RBFOX1: variants seen among roughly 807,000 people sequenced by gnomAD.
RBFOX1 encodes the protein RNA binding protein fox-1 homolog 1.
In RBFOX1, 8 loss-of-function variants were observed where a neutral mutation model predicts 57.7. The ratio of observed to expected loss-of-function variants is 0.14; its 90% CI spans 0.08 to 0.25. RBFOX1 has a LOEUF of 0.25. Among genes scored for constraint, RBFOX1 ranks in the 10% least tolerant of loss-of-function variants. The pLI is 1.00. For missense variants in RBFOX1, 611 were observed against 548.5 expected, an observed-to-expected ratio of 1.11 and a Z score of -1.14; for synonymous variants, 326 against 222.4, an observed-to-expected ratio of 1.47 and a Z score of -4.15.
chr16:7,130,576 G>A (rs896640262), intron 4 of RBFOX1, among the ~76,000 whole-genome samples: 5 of 152,198 alleles, frequency 3.3e-5, no homozygotes, highest in African/African-American at 1.2e-4. Flanking sequence ...GTGAGTCAGT[G>A]TGCAAATAAT....
intron 3 of RBFOX1, among the ~76,000 whole-genome samples, chr16:6,681,122 G>C (rs1246747671): frequency 2.6e-5 from 4 of 152,058 alleles, no homozygotes; most frequent in Non-Finnish European, 5.9e-5. Context: ...ACCATCCTGG[G>C]AAACATGGTG....
rs538575658 is a variant in RBFOX1, at chr16:5,687,260, T to G, written c.318+88299T>G. On this transcript the variant is annotated intron_variant, in intron 3 of 19. Transcript: ENST00000641259. The stretch of plus-strand genomic sequence containing the variant: ...GAACAGTAGGAGGAAAACCCAAGAC[T>G]AGAAACTGTGGTGCCTTCATGATGT... Among the ~76,000 whole-genome samples, 449 of 152,242 alleles carry G rather than the reference T, an allele frequency of 2.9e-3. 2 individuals are homozygous for G. The highest frequency in any genetic ancestry group is 8.5e-3 in the South Asian group (41 of 4,816).
intron 3 of RBFOX1, among the ~76,000 whole-genome samples, chr16:5,847,963 T>A (rs142648853): frequency 6.6e-4 from 101 of 152,308 alleles, no homozygotes; most frequent in Admixed American, 5.4e-3. Context: ...GGAGCTCTAG[T>A]GCCATGGCTC....
intron 4 of RBFOX1, among the ~76,000 whole-genome samples, chr16:7,455,666 A>G (rs191786013): frequency 2.3e-3 from 343 of 151,604 alleles, no homozygotes; most frequent in Admixed American, 3.7e-3. Flanking sequence ...GCGTGGTTGT[A>G]GTCCCAGCTA....
intron 2 of RBFOX1, among the ~76,000 whole-genome samples, chr16:6,550,952 C>T (rs2096978801): frequency 6.6e-6 from 1 of 152,112 alleles, no homozygotes; most frequent in South Asian, 2.1e-4. Context: ...TGGCTGTGTT[C>T]ACTTATGGGA....
intron 4 of RBFOX1, among the ~76,000 whole-genome samples, chr16:7,434,725 C>G (rs527703587): frequency 7.4e-6 from 1 of 135,970 alleles, no homozygotes; most frequent in Non-Finnish European, 1.6e-5. Context: ...CTAGTTTGCC[C>G]TCTTGTTAAC....
intron 1 of RBFOX1, among the ~76,000 whole-genome samples, chr16:6,065,229 C>T (rs553312881): frequency 2.8e-5 from 4 of 141,696 alleles, no homozygotes; most frequent in Non-Finnish European, 6.0e-5. Flanking sequence ...GAGACAGGAT[C>T]TTGCTGTGTT....
At chr16:6,795,637 G>A (rs1018318399) in intron 3 of RBFOX1, among the ~76,000 whole-genome samples, 1 of 151,876 alleles carries the variant, frequency 6.6e-6, no homozygotes, top group Non-Finnish European at 1.5e-5. Context: ...ATGGTTGGGG[G>A]TGCCTGTAAT....
At chr16:6,910,467 C>T (rs918509558) in intron 3 of RBFOX1, among the ~76,000 whole-genome samples, 2 of 152,184 alleles carry the variant, frequency 1.3e-5, no homozygotes, top group African/African-American at 2.4e-5. Flanking sequence ...GGCTCTGTGC[C>T]TGAGTGGGTG....
intron 1 of RBFOX1, among the ~76,000 whole-genome samples, chr16:6,283,258 T>A (rs1236427476): frequency 6.6e-6 from 1 of 151,970 alleles, no homozygotes; most frequent in Non-Finnish European, 1.5e-5. Context: ...ACCCCGGAGG[T>A]TGAGCCTACA....
chr16:5,509,742 G>A (rs1257184393), intron 2 of RBFOX1, among the ~76,000 whole-genome samples: 3 of 152,166 alleles, frequency 2.0e-5, no homozygotes, highest in Admixed American at 6.5e-5. Context: ...AGGCGTGGAC[G>A]TTAAGGCCAA....
chr16:7,052,071 G>C lies in RBFOX1; in HGVS notation c.-1G>C. On this transcript the variant is annotated 5_prime_UTR_variant, in exon 4 of 16. Coordinates refer to ENST00000550418, the MANE Select transcript of RBFOX1 (RefSeq NM_018723.4). ...TTTCTTTCTAGGTTTCAAGACAACA[G>C]ATGAATTGTGAAAGAGAGCAGCTAA... The C allele has an allele frequency of 6.2e-7, 1 of 1,612,406 alleles. No individual in the cohort carries two copies. The highest frequency in any genetic ancestry group is 1.1e-5 in the South Asian group (1 of 90,582).
intron 4 of RBFOX1, among the ~76,000 whole-genome samples, chr16:7,339,630 G>C (rs1044453295): frequency 6.6e-5 from 10 of 152,122 alleles, no homozygotes; most frequent in African/African-American, 2.4e-4. Flanking sequence ...AGTAAAGACA[G>C]GGTTTCACCA....
chr16:7,192,502 A>C (rs1261256958), intron 4 of RBFOX1, among the ~76,000 whole-genome samples: 1 of 152,218 alleles, frequency 6.6e-6, no homozygotes, highest in Non-Finnish European at 1.5e-5. Context: ...CTTCACTTTG[A>C]ATAAATATTG....
At chr16:6,635,924 A>G (rs76519348) in intron 2 of RBFOX1, among the ~76,000 whole-genome samples, 2,378 of 152,256 alleles carry the variant, frequency 0.016, 72 homozygotes, top group African/African-American at 0.053. Flanking sequence ...ATATTGACAC[A>G]TACATAATGA....
intron 3 of RBFOX1, among the ~76,000 whole-genome samples, chr16:6,743,373 G>T (rs1487777417): frequency 6.6e-6 from 1 of 152,184 alleles, no homozygotes; most frequent in Non-Finnish European, 1.5e-5. Flanking sequence ...CAAAGGCAGA[G>T]ATTGTCAGAC....
chr16:6,115,720 G>C (rs2096490154), intron 1 of RBFOX1, among the ~76,000 whole-genome samples: 2 of 152,110 alleles, frequency 1.3e-5, no homozygotes, highest in African/African-American at 4.8e-5. Context: ...TTGTTTATTT[G>C]TGAAGTTTAT....
chr16:5,719,507 A>G (rs966799924), intron 3 of RBFOX1, among the ~76,000 whole-genome samples: 1 of 151,690 alleles, frequency 6.6e-6, no homozygotes, highest in African/African-American at 2.4e-5. Context: ...ACTGCCCTAG[A>G]ATTTTTTTTA....
At chr16:6,076,318 A>AC (rs1330320385) in intron 1 of RBFOX1, among the ~76,000 whole-genome samples, 1 of 150,992 alleles carries the variant, frequency 6.6e-6, no homozygotes, top group Non-Finnish European at 1.5e-5. Flanking sequence ...AAAACAACAA[A>AC]CGCACAAACA....
Sources: allele counts gnomAD v4.1 joint callset (sites outside exome capture counted in the v4.1 genomes callset), GRCh38; gene constraint gnomAD v4.1.1; transcripts MANE v1.5; gene names NCBI Gene and HGNC (gene_info 2026-07-23, HGNC 2026-07-21).